The following SYT1 variants were observed in gnomAD, a reference collection of about 807,000 sequenced individuals.
SYT1 encodes the protein synaptotagmin 1, also known as synaptotagmin-1.
A neutral mutation model predicts 44.8 loss-of-function variants in SYT1; 8 were observed. The ratio of observed to expected loss-of-function variants is 0.18; its 90% CI spans 0.10 to 0.32. SYT1 has a LOEUF of 0.32. Ranked by LOEUF, SYT1 falls within the 10% of genes least tolerant of loss-of-function variation. The pLI, the probability that SYT1 is intolerant of heterozygous loss-of-function variation, is 1.00. For missense variants in SYT1, 286 were observed against 509.3 expected (o/e 0.56, Z 4.22); for synonymous variants, 154 against 188.8 (o/e 0.82, Z 1.51).
intron 2 of SYT1, among the ~76,000 whole-genome samples, chr12:79,046,046 G>A (rs1316659607): frequency 6.6e-6 from 1 of 152,128 alleles, no homozygotes; most frequent in African/African-American, 2.4e-5. Flanking sequence ...ATCTAAAATT[G>A]ATTATGGCTC....
intron 3 of SYT1, among the ~76,000 whole-genome samples, chr12:79,169,505 A>C (rs889287332): frequency 6.6e-5 from 10 of 151,984 alleles, no homozygotes; most frequent in African/African-American, 2.4e-4. Context: ...AAGGCCTATG[A>C]CATGTAGTGA....
intron 2 of SYT1, among the ~76,000 whole-genome samples, chr12:79,013,231 G>T (rs540513657): frequency 9.9e-5 from 15 of 151,322 alleles, no homozygotes; most frequent in African/African-American, 3.2e-4. Flanking sequence ...GGGATTGTGT[G>T]TTGGTGTGTG....
rs2136215000 is a variant in SYT1 at position 79,450,395 on chromosome 12, G to A, written c.*1271G>A. On this transcript the variant is annotated 3_prime_UTR_variant, in exon 11 of 11. Coordinates refer to ENST00000261205, the MANE Select transcript of SYT1 (RefSeq NM_005639.3). ...GCTCTTTTTACTTAAGTTTTAATTT[G>A]TCCTTTAAAAAAAGGTGAAACAAAC... 1 of 152,452 alleles carries A rather than the reference G, an allele frequency of 6.6e-6. No individual in the cohort carries two copies. The highest frequency in any genetic ancestry group is 1.5e-5 in the Non-Finnish European group (1 of 67,972). 9.4% of individuals were successfully genotyped at this position (152,452 alleles called of 1,614,324 possible).
upstream of SYT1, chr12:78,864,546 C>G (rs961956688): frequency 6.6e-6 from 1 of 152,218 alleles, no homozygotes; most frequent in Non-Finnish European, 1.5e-5. Context: ...TTCCCAGGTC[C>G]CTGTCCGCTG....
At chr12:79,101,776 G>T (rs775154561) in intron 3 of SYT1, among the ~76,000 whole-genome samples, 2 of 152,042 alleles carry the variant, frequency 1.3e-5, no homozygotes, top group African/African-American at 2.4e-5. Flanking sequence ...GCATGGTGAT[G>T]CATGCCTGTA....
intron 4 of SYT1, among the ~76,000 whole-genome samples, chr12:79,236,497 G>T (rs1041020775): frequency 6.6e-6 from 1 of 152,050 alleles, no homozygotes; most frequent in Non-Finnish European, 1.5e-5. Context: ...TATCCTAAAA[G>T]ACTAAGACTC....
chr12:79,303,147 A>C (rs1377829067), intron 8 of SYT1, among the ~76,000 whole-genome samples: 6 of 152,118 alleles, frequency 3.9e-5, no homozygotes, highest in Admixed American at 3.9e-4. Context: ...TAATATTTTG[A>C]CTTAATTATT....
At chr12:79,373,271 C>T (rs1182085314) in intron 9 of SYT1, among the ~76,000 whole-genome samples, 1 of 152,128 alleles carries the variant, frequency 6.6e-6, no homozygotes, top group Non-Finnish European at 1.5e-5. Context: ...TGATGATGTT[C>T]ACCTATCAGT....
chr12:78,973,974 T>A (rs1238892897), intron 1 of SYT1, among the ~76,000 whole-genome samples: 8 of 101,494 alleles, frequency 7.9e-5, no homozygotes, highest in South Asian at 3.4e-4. Context: ...TATATATATA[T>A]ATATATATAT....
chr12:78,901,066 A>C (rs1875634341), intron 1 of SYT1, among the ~76,000 whole-genome samples: 1 of 152,072 alleles, frequency 6.6e-6, no homozygotes, highest in African/African-American at 2.4e-5. Context: ...ACTTTTTAAA[A>C]CTTGTATGGA....
intron 2 of SYT1, among the ~76,000 whole-genome samples, chr12:79,042,546 A>G (rs1397052963): frequency 1.4e-5 from 2 of 143,960 alleles, no homozygotes; most frequent in Non-Finnish European, 3.1e-5. Context: ...CTAGTGGTCT[A>G]TCAATTTTGT....
intron 9 of SYT1, among the ~76,000 whole-genome samples, chr12:79,441,715 G>T (rs936849217): frequency 2.6e-5 from 4 of 152,096 alleles, no homozygotes; most frequent in Non-Finnish European, 5.9e-5. Flanking sequence ...AGATCAGCAG[G>T]TCCTAAGTTA....
intron 1 of SYT1, among the ~76,000 whole-genome samples, chr12:78,914,455 A>G (rs959459699): frequency 1.1e-4 from 15 of 136,612 alleles, no homozygotes; most frequent in African/African-American, 4.3e-4. Flanking sequence ...TAATGCATTA[A>G]GCCTACTATA....
At chr12:79,293,003 G>A (rs1226448147) in intron 6 of SYT1, among the ~76,000 whole-genome samples, 2 of 151,996 alleles carry the variant, frequency 1.3e-5, no homozygotes, top group Admixed American at 6.6e-5. Context: ...CTAAGTTAGA[G>A]ACCAGGTTTT....
chr12:79,187,778 C>A (rs1872887812), intron 3 of SYT1, among the ~76,000 whole-genome samples: 2 of 152,050 alleles, frequency 1.3e-5, no homozygotes, highest in African/African-American at 4.8e-5. Context: ...CAAAAGGGAA[C>A]CTTCCCAAGA....
intron 5 of SYT1, among the ~76,000 whole-genome samples, chr12:79,286,275 C>T (rs1384003180): frequency 1.3e-5 from 2 of 152,168 alleles, no homozygotes; most frequent in African/African-American, 4.8e-5. Context: ...AACCAGTCTT[C>T]ATTGCGTTTA....
intron 1 of SYT1, among the ~76,000 whole-genome samples, chr12:78,967,477 G>T (rs553593717): frequency 6.6e-6 from 1 of 152,084 alleles, no homozygotes; most frequent in Non-Finnish European, 1.5e-5. Flanking sequence ...GAATACCAGG[G>T]GCATTTCACT....
chr12:79,053,708 T>A (rs1735496404), intron 3 of SYT1, among the ~76,000 whole-genome samples: 1 of 151,038 alleles, frequency 6.6e-6, no homozygotes, highest in Non-Finnish European at 1.5e-5. Context: ...AAACAAACAA[T>A]AAGTATTATT....
intron 4 of SYT1, among the ~76,000 whole-genome samples, chr12:79,279,720 T>G (rs140312549): frequency 6.0e-4 from 92 of 152,224 alleles, no homozygotes; most frequent in African/African-American, 2.1e-3. Flanking sequence ...AAACTGTCTC[T>G]GTTGGCTGTT....
Sources: gnomAD v4.1 joint callset for allele counts (sites outside exome capture counted in the v4.1 genomes callset) on GRCh38, gnomAD v4.1.1 for gene constraint, MANE v1.5 for transcripts, NCBI Gene and HGNC (gene_info 2026-07-23, HGNC 2026-07-21) for gene names.